C13orf42: variants seen among roughly 807,000 people sequenced by gnomAD.
The protein encoded by C13orf42 is uncharacterized protein C13orf42.
chr13:51,084,550 G>A (rs940517926), intron 3 of C13orf42, among the ~76,000 whole-genome samples: 7 of 152,246 alleles, frequency 4.6e-5, no homozygotes, highest in African/African-American at 1.7e-4. Context: ...GCTGGGTTGT[G>A]ATTTTAATAT....
At chr13:51,163,816 A>G (rs1398901642) in intron 1 of C13orf42, among the ~76,000 whole-genome samples, 1 of 152,158 alleles carries the variant, frequency 6.6e-6, no homozygotes, top group East Asian at 1.9e-4. Flanking sequence ...CTGCCATACA[A>G]AGTCCCACTG....
At chr13:51,148,122 TC>T (rs1953752744) in intron 1 of C13orf42, among the ~76,000 whole-genome samples, 1 of 152,166 alleles carries the variant, frequency 6.6e-6, no homozygotes, top group African/African-American at 2.4e-5. Flanking sequence ...CCATGTGATT[TC>T]CGTAAAATCC....
chr13:51,115,090 T>C (rs1012711557), upstream of C13orf42, among the ~76,000 whole-genome samples: 1 of 152,246 alleles, frequency 6.6e-6, no homozygotes, highest in Admixed American at 6.5e-5. Flanking sequence ...TTATTACTTA[T>C]AGGAATATAA....
chr13:51,130,868 T>C (rs1013976884), intron 1 of C13orf42, among the ~76,000 whole-genome samples: 10 of 150,712 alleles, frequency 6.6e-5, no homozygotes, highest in Non-Finnish European at 1.0e-4. Flanking sequence ...AAAAAATATA[T>C]ATATATATAT....
At chr13:51,157,791 G>A (rs1282543308) in intron 1 of C13orf42, among the ~76,000 whole-genome samples, 1 of 152,200 alleles carries the variant, frequency 6.6e-6, no homozygotes, top group Non-Finnish European at 1.5e-5. Flanking sequence ...GTATTGTGAA[G>A]TAATAAATAT....
chr13:51,088,730 T>G (rs977358756), intron 1 of C13orf42, among the ~76,000 whole-genome samples: 1 of 152,164 alleles, frequency 6.6e-6, no homozygotes, highest in African/African-American at 2.4e-5. Context: ...ATGTTTTCAG[T>G]TTCTAAAGGA....
intron 1 of C13orf42, among the ~76,000 whole-genome samples, chr13:51,105,692 C>T (rs1272222030): frequency 6.6e-6 from 1 of 152,162 alleles, no homozygotes; most frequent in Non-Finnish European, 1.5e-5. Flanking sequence ...CTATGATCTG[C>T]ATATTATTTT....
chr13:51,128,626 G>A (rs1168982751), intron 1 of C13orf42, among the ~76,000 whole-genome samples: 3 of 152,156 alleles, frequency 2.0e-5, no homozygotes, highest in Non-Finnish European at 4.4e-5. Context: ...AAGATTTAGG[G>A]GGTTAGAGAC....
chr13:51,104,409 G>A (rs577774796), intron 1 of C13orf42, among the ~76,000 whole-genome samples: 1 of 152,254 alleles, frequency 6.6e-6, no homozygotes, highest in South Asian at 2.1e-4. Flanking sequence ...TTAGTACATG[G>A]AGCGTGGTGG....
chr13:51,094,661 T>C (rs536015932), intron 1 of C13orf42, among the ~76,000 whole-genome samples: 4 of 152,350 alleles, frequency 2.6e-5, no homozygotes, highest in African/African-American at 9.6e-5. Context: ...GTACTACAGG[T>C]CTGCTGAAAG....
intron 1 of C13orf42, among the ~76,000 whole-genome samples, chr13:51,131,496 G>C (rs1953616335): frequency 6.6e-6 from 1 of 152,134 alleles, no homozygotes; most frequent in Non-Finnish European, 1.5e-5. Context: ...TTTCTAACAG[G>C]CCTAGGACCC....
chr13:51,169,331 C>T (rs1953926930), intron 1 of C13orf42, among the ~76,000 whole-genome samples: 1 of 152,216 alleles, frequency 6.6e-6, no homozygotes, highest in Admixed American at 6.5e-5. Flanking sequence ...GCCAAAGTCA[C>T]TTTTGTTATG....
upstream of C13orf42, among the ~76,000 whole-genome samples, chr13:51,111,459 T>C (rs1035306576): frequency 6.6e-6 from 1 of 152,174 alleles, no homozygotes; most frequent in Non-Finnish European, 1.5e-5. Context: ...CACTGTGAAC[T>C]TAAAAATGAG....
chr13:51,148,943 T>G (rs1953758066), intron 1 of C13orf42, among the ~76,000 whole-genome samples: 1 of 152,164 alleles, frequency 6.6e-6, no homozygotes, highest in South Asian at 2.1e-4. Context: ...CAGGCTTCCC[T>G]TTACTCTGCA....
At chr13:51,127,807 T>C (rs1403499699) in intron 1 of C13orf42, among the ~76,000 whole-genome samples, 1 of 152,190 alleles carries the variant, frequency 6.6e-6, no homozygotes, top group African/African-American at 2.4e-5. Context: ...TCATTCTAGG[T>C]ACCTGTCAGA....
chr13:51,092,889 C>T (rs991710522), intron 1 of C13orf42, among the ~76,000 whole-genome samples: 1 of 152,066 alleles, frequency 6.6e-6, no homozygotes, highest in Non-Finnish European at 1.5e-5. Flanking sequence ...CAACCATCAC[C>T]TTTCTGCCAT....
intron 1 of C13orf42, chr13:51,172,134 C>G (rs919452403): frequency 2.6e-5 from 4 of 152,190 alleles, no homozygotes; most frequent in Non-Finnish European, 5.9e-5. Flanking sequence ...CCCACAGGAG[C>G]TTGCTACACG....
intron 1 of C13orf42, among the ~76,000 whole-genome samples, chr13:51,106,888 C>T (rs925728519): frequency 6.6e-6 from 1 of 152,222 alleles, no homozygotes; most frequent in Non-Finnish European, 1.5e-5. Flanking sequence ...AGCTCATTCC[C>T]AACACTGACA....
intron 1 of C13orf42, among the ~76,000 whole-genome samples, chr13:51,102,052 T>C (rs1953298564): frequency 6.6e-6 from 1 of 152,260 alleles, no homozygotes; most frequent in Admixed American, 6.5e-5. Flanking sequence ...ATCATTATTA[T>C]ACTGTCTGCC....
Sources: gnomAD v4.1 joint callset for allele counts (sites outside exome capture counted in the v4.1 genomes callset) on GRCh38, gnomAD v4.1.1 for gene constraint, MANE v1.5 for transcripts, NCBI Gene and HGNC (gene_info 2026-07-23, HGNC 2026-07-21) for gene names.